The following CSGALNACT1 variants were observed in gnomAD, a reference collection of about 807,000 sequenced individuals.
CSGALNACT1 encodes the protein beta4GalNAcT-1.
A neutral mutation model predicts 51.0 loss-of-function variants in CSGALNACT1; 52 were observed. The ratio of observed to expected loss-of-function variants is 1.02; its 90% CI spans 0.82 to 1.29. The LOEUF is 1.29. Ranked by LOEUF, CSGALNACT1 falls within the 50% of genes most tolerant of loss-of-function variation. CSGALNACT1 has a pLI of 0.00. For missense variants in CSGALNACT1, 935 were observed against 679.2 expected, an observed-to-expected ratio of 1.38 and a Z score of -4.19; for synonymous variants, 341 against 254.4, an observed-to-expected ratio of 1.34 and a Z score of -3.24.
chr8:19,558,568 G>A (rs1401468069), intron 3 of CSGALNACT1, among the ~76,000 whole-genome samples: 2 of 152,070 alleles, frequency 1.3e-5, no homozygotes, highest in Non-Finnish European at 2.9e-5. Context: ...ATTATATCCT[G>A]TATTTTATAT....
intron 1 of CSGALNACT1, among the ~76,000 whole-genome samples, chr8:19,633,132 T>A (rs2055530638): frequency 6.6e-6 from 1 of 152,044 alleles, no homozygotes; most frequent in African/African-American, 2.4e-5. Flanking sequence ...TGTAACTTTT[T>A]AAACATTTCC....
At chr8:19,529,479 G>C (rs1473969776) in intron 3 of CSGALNACT1, among the ~76,000 whole-genome samples, 2 of 152,142 alleles carry the variant, frequency 1.3e-5, no homozygotes, top group East Asian at 3.8e-4. Context: ...CTTATCTCCT[G>C]TTTCACTTGA....
At chr8:19,665,010 C>T (rs1027249109) in intron 1 of CSGALNACT1, among the ~76,000 whole-genome samples, 5 of 152,148 alleles carry the variant, frequency 3.3e-5, no homozygotes, top group Admixed American at 3.3e-4. Context: ...CAAAAATGCA[C>T]TTGTACTCTA....
At chr8:19,673,469 C>T (rs779216798) in intron 1 of CSGALNACT1, among the ~76,000 whole-genome samples, 1 of 152,316 alleles carries the variant, frequency 6.6e-6, no homozygotes, top group African/African-American at 2.4e-5. Context: ...ACCAAAGTTG[C>T]TAGGCACTAT....
chr8:19,510,786 A>T (rs1170081271), intron 3 of CSGALNACT1, among the ~76,000 whole-genome samples: 1 of 152,244 alleles, frequency 6.6e-6, no homozygotes, highest in African/African-American at 2.4e-5. Context: ...ATATTTGTCA[A>T]GATAAGATAT....
At chr8:19,486,172 T>A (rs929104949) in intron 4 of CSGALNACT1, among the ~76,000 whole-genome samples, 1 of 152,078 alleles carries the variant, frequency 6.6e-6, no homozygotes, top group Non-Finnish European at 1.5e-5. Flanking sequence ...CTATGACTTG[T>A]GTTTTTCCCA....
chr8:19,579,100 A>G (rs572213442), intron 3 of CSGALNACT1, among the ~76,000 whole-genome samples: 7 of 152,340 alleles, frequency 4.6e-5, no homozygotes. Flanking sequence ...CACCCAGTCC[A>G]GAGTGATAAC....
chr8:19,603,086 A>C (rs2050792750), upstream of CSGALNACT1, among the ~76,000 whole-genome samples: 1 of 141,806 alleles, frequency 7.1e-6, no homozygotes, highest in Non-Finnish European at 1.5e-5. Flanking sequence ...ACACACACAC[A>C]CAGAATTGCT....
At position 19,541,163 on chromosome 8, in the gene CSGALNACT1, T is replaced by G. The variant is rs144997232; in HGVS notation, c.-296-35033A>C. Among the ~76,000 whole-genome samples, 502 of 152,058 alleles carry G rather than the reference T, an allele frequency of 3.3e-3. 5 individuals are homozygous for G. Among genetic ancestry groups the G allele is most frequent in the African/African-American group, 0.011 (456 of 41,448 alleles). On this transcript the variant is annotated intron_variant, in intron 3 of 9. Transcript: ENST00000454498. ...GGCATGATCGCAGCTCACTGCAACC[T>G]TTGCCTCCCAGGTAAGGGAGAAACT...
intron 4 of CSGALNACT1, among the ~76,000 whole-genome samples, chr8:19,493,248 A>C (rs960790184): frequency 1.3e-5 from 2 of 152,136 alleles, no homozygotes; most frequent in South Asian, 2.1e-4. Context: ...CGGTCACCTC[A>C]ACTATTTTTA....
chr8:19,695,758 A>C (rs933807267), intron 1 of CSGALNACT1, among the ~76,000 whole-genome samples: 1 of 152,206 alleles, frequency 6.6e-6, no homozygotes, highest in Non-Finnish European at 1.5e-5. Context: ...TATCATGCAC[A>C]TGTTGTTTAA....
intron 4 of CSGALNACT1, among the ~76,000 whole-genome samples, chr8:19,473,399 T>C (rs572102822): frequency 1.3e-5 from 2 of 152,296 alleles, no homozygotes; most frequent in East Asian, 3.9e-4. Flanking sequence ...CCCTGCCTTG[T>C]ATAACACCTA....
At chr8:19,522,406 ATTTAT>A (rs1450801906) in intron 3 of CSGALNACT1, among the ~76,000 whole-genome samples, 2 of 152,234 alleles carry the variant, frequency 1.3e-5, no homozygotes, top group Non-Finnish European at 2.9e-5. Context: ...CTCCAGATCC[ATTTAT>A]TTTAAGAAAA....
At chr8:19,636,954 C>A (rs2056150615) in intron 1 of CSGALNACT1, among the ~76,000 whole-genome samples, 1 of 151,806 alleles carries the variant, frequency 6.6e-6, no homozygotes, top group African/African-American at 2.4e-5. Flanking sequence ...CTTTGGGAGG[C>A]CAAGGAAGGC....
intron 1 of CSGALNACT1, among the ~76,000 whole-genome samples, chr8:19,743,773 G>A (rs539907139): frequency 3.6e-4 from 55 of 152,246 alleles, no homozygotes; most frequent in South Asian, 2.3e-3. Flanking sequence ...ATGCCATCAA[G>A]TAACTATTCT....
intron 1 of CSGALNACT1, among the ~76,000 whole-genome samples, chr8:19,608,993 A>G (rs2051799151): frequency 6.6e-6 from 1 of 152,102 alleles, no homozygotes; most frequent in South Asian, 2.1e-4. Context: ...TTCTGTATCA[A>G]TTTCTGAGTT....
At chr8:19,465,485 T>A (rs1222781303) in intron 4 of CSGALNACT1, among the ~76,000 whole-genome samples, 1 of 152,184 alleles carries the variant, frequency 6.6e-6, no homozygotes, top group Non-Finnish European at 1.5e-5. Context: ...TAAAAAATGC[T>A]TTAAATGGTG....
intron 1 of CSGALNACT1, among the ~76,000 whole-genome samples, chr8:19,714,772 T>A (rs1461772166): frequency 6.6e-6 from 1 of 152,088 alleles, no homozygotes; most frequent in African/African-American, 2.4e-5. Flanking sequence ...TTTTTTCTGT[T>A]TTCTAACTTT....
At position 19,666,873 on chromosome 8, in the gene CSGALNACT1, GAAAGAAAGAA is replaced by G. The variant is rs1283916673; in HGVS notation, c.-544+15590_-544+15599del. 3.1e-3 allele frequency among the ~76,000 whole-genome samples: 403 copies of G among 130,882 alleles called. 11 individuals are homozygous for G. The highest frequency in any genetic ancestry group is 7.6e-3 in the African/African-American group (240 of 31,378). 85.9% of individuals were successfully genotyped at this position (130,882 alleles called of 152,430 possible). A position where few individuals can be genotyped will look rare whatever the true frequency, so the allele number is the denominator to read the frequency against. On this transcript the variant is annotated intron_variant, in intron 1 of 9. Transcript: ENST00000332246. ...AGAAAGAAAGAAAGAAAGAAAGAAA[GAAAGAAAGAA>G]AGAGAGAGAGGAAGTGAGGAAGGGA... is the stretch of plus-strand genomic sequence containing the variant.
Sources: gnomAD v4.1 joint callset for allele counts (sites outside exome capture counted in the v4.1 genomes callset) on GRCh38, gnomAD v4.1.1 for gene constraint, MANE v1.5 for transcripts, NCBI Gene and HGNC (gene_info 2026-07-23, HGNC 2026-07-21) for gene names.